TNFRSF14: variants seen among roughly 807,000 people sequenced by gnomAD.
TNFRSF14 encodes tumor necrosis factor receptor superfamily member 14.
A neutral mutation model predicts 34.1 loss-of-function variants in TNFRSF14; 18 were observed. The ratio of observed to expected loss-of-function variants is 0.53; its 90% CI spans 0.36 to 0.78. The LOEUF is 0.78. Among genes scored for constraint, TNFRSF14 ranks in the 30% least tolerant of loss-of-function variants. The pLI, the probability that TNFRSF14 is intolerant of heterozygous loss-of-function variation, is 0.00. For synonymous variants in TNFRSF14, 157 were observed against 153.2 expected, an observed-to-expected ratio of 1.02 and a Z score of -0.18; for missense variants, 352 against 379.5, an observed-to-expected ratio of 0.93 and a Z score of 0.60.
intron 5 of TNFRSF14, chr1:2,560,972 C>T: frequency 2.0e-6 from 1 of 491,824 alleles, no homozygotes. Flanking sequence ...CAGAAGCAGG[C>T]CCAGAGGGAG....
chr1:2,557,090 C>T (rs911423261), intron 1 of TNFRSF14: 32 of 318,572 alleles, frequency 1.0e-4, no homozygotes, highest in African/African-American at 6.8e-4. Flanking sequence ...GACCCAACTC[C>T]CCGGCAGCCC....
Position 2,562,906 on chromosome 1 carries a change from C to T in TNFRSF14, c.726+10C>T. Reference sequence around the variant, plus strand: ...GATCGTCTCCGTCCAGGTATTGATCCTCCTCCCCCTCTCCCTCCCCCCTCC... The same window carrying T: ...GATCGTCTCCGTCCAGGTATTGATCTTCCTCCCCCTCTCCCTCCCCCCTCC... On this transcript the variant is annotated intron_variant, in intron 7 of 7. Coordinates refer to ENST00000355716, the MANE Select transcript of TNFRSF14 (RefSeq NM_003820.4). 1.2e-6 allele frequency: 2 copies of T among 1,612,860 alleles called. No homozygotes were observed. Among genetic ancestry groups the T allele is most frequent in the South Asian group, 1.1e-5 (1 of 91,050 alleles).
rs762829374 is a variant in TNFRSF14 at position 2,563,211 on chromosome 1, G to T, written c.790G>T (p.Val264Phe). 1 of 1,613,474 alleles carries T rather than the reference G, an allele frequency of 6.2e-7. No individual in the cohort carries two copies. Among genetic ancestry groups the T allele is most frequent in the South Asian group, 1.1e-5 (1 of 91,084 alleles). ...VIEALQAPPD[V>F]TTVAVEETIP... ...TGAGGCCCTGCAGGCCCCTCCGGAC[G>T]TCACCACGGTGGCCGTGGAGGAGAC... Residue 264 changes from valine (V) to phenylalanine (F), a missense_variant, in exon 8 of 8, where the codon GTC (valine) becomes TTC (phenylalanine). Physicochemically the swap from Val to Phe is conservative, Grantham distance 50. Coordinates refer to ENST00000355716, the MANE Select transcript of TNFRSF14 (RefSeq NM_003820.4).
At chr1:2,562,609 TG>T (rs1644326358) in intron 6 of TNFRSF14, 3 of 605,494 alleles carry the variant, frequency 5.0e-6, no homozygotes, top group Admixed American at 2.9e-5. Context: ...GTTATGCACT[TG>T]GGGGCCTCAG....
chr1:2,563,331 G>T lies in TNFRSF14; in HGVS notation c.*58G>T. On this transcript the variant is annotated 3_prime_UTR_variant, in exon 8 of 8. Coordinates refer to ENST00000355716, the MANE Select transcript of TNFRSF14 (RefSeq NM_003820.4). ...CCTGGAGCGACGGCTGCTGAAAGAG[G>T]CTGTCCACCTGGCGGAACCACCGGA... 1.3e-6 allele frequency: 2 copies of T among 1,599,168 alleles called. No homozygotes were observed. Among genetic ancestry groups the T allele is most frequent in the Non-Finnish European group, 1.7e-6 (2 of 1,170,256 alleles).
chr1:2,557,462 G>C (rs11573968), intron 1 of TNFRSF14, among the ~76,000 whole-genome samples: 1 of 152,138 alleles, frequency 6.6e-6, no homozygotes, highest in South Asian at 2.1e-4. Flanking sequence ...GGTCCCTGGC[G>C]AGGGCAGAGT....
chr1:2,560,039 C>T, intron 4 of TNFRSF14, 61 bp downstream of exon 4: 1 of 1,465,418 alleles, frequency 6.8e-7, no homozygotes, highest in Non-Finnish European at 9.0e-7. Context: ...GCCCCGCTGT[C>T]TGGAGCCCCA....
chr1:2,563,461 CCCATGGGCCAGTGAGGGCCTGG>C lies in TNFRSF14; in HGVS notation c.*189_*210del. 1.1e-6 allele frequency: 1 copy of C among 894,588 alleles called. No individual in the cohort carries two copies. 55.4% of individuals were successfully genotyped at this position (894,588 alleles called of 1,614,324 possible). On this transcript the variant is annotated 3_prime_UTR_variant, in exon 8 of 8. Coordinates refer to ENST00000355716, the MANE Select transcript of TNFRSF14 (RefSeq NM_003820.4). ...AGAGCTGGGGACGCCACGTGCCATT[CCCATGGGCCAGTGAGGGCCTGG>C]GGCCTCTGTTCTGCTGTGGCCTGAG... is the stretch of plus-strand genomic sequence containing the variant.
In TNFRSF14 at chr1:2,560,828, C is replaced by T. The variant is rs1303740880; in HGVS notation, c.551+114C>T. ...AAAGGCTTGAAGGTCCCACCCTGAG[C>T]GGCACCCTGGTCACATGCCTGCGTC... On this transcript the variant is annotated intron_variant, in intron 5 of 7. Coordinates refer to ENST00000355716, the MANE Select transcript of TNFRSF14 (RefSeq NM_003820.4). 1.1e-4 allele frequency: 100 copies of T among 932,838 alleles called. 1 individual carries two copies. The highest frequency in any genetic ancestry group is 2.1e-4 in the East Asian group (8 of 38,708). 57.8% of individuals were successfully genotyped at this position (932,838 alleles called of 1,614,324 possible).
Position 2,558,604 on chromosome 1 carries a change from T to C in TNFRSF14, c.304+136T>C, listed in dbSNP as rs1024467488. The C allele has an allele frequency of 4.1e-5, 62 of 1,494,910 alleles. No homozygotes were observed. In the African/African-American group the frequency reaches 8.5e-4, roughly 20 times the overall value. 92.6% of individuals were successfully genotyped at this position (1,494,910 alleles called of 1,614,324 possible). On this transcript the variant is annotated intron_variant, in intron 3 of 7. Transcript: ENST00000355716. ...AGGCCAGGTCCCAACCCCATCTCCA[T>C]GGATGCACCCTGCAGGGGACGCCTT...
intron 6 of TNFRSF14, chr1:2,562,453 G>T: frequency 3.5e-6 from 1 of 288,036 alleles, no homozygotes; most frequent in Non-Finnish European, 6.6e-6. Context: ...CCTCCAATGC[G>T]GGGAGGTCTC....
In TNFRSF14 at chr1:2,558,650, G is replaced by A. The variant is rs757081219; in HGVS notation, c.304+182G>A. ...GCCTTGAGGTCAGCCTCCGGCCCCC[G>A]TCCACCTCTGTCTCACCTCTCACTT... On this transcript the variant is annotated intron_variant, in intron 3 of 7. Coordinates refer to ENST00000355716, the MANE Select transcript of TNFRSF14 (RefSeq NM_003820.4). 9.8e-5 allele frequency: 121 copies of A among 1,232,616 alleles called. 1 individual carries two copies. The highest frequency in any genetic ancestry group is 1.2e-4 in the Non-Finnish European group (110 of 899,914). The allele number at this position is 1,232,616 out of a possible 1,614,324, so 76.4% of individuals were successfully genotyped here.
At chr1:2,558,533 C>A in intron 3 of TNFRSF14, 65 bp downstream of exon 3, 1 of 1,596,310 alleles carries the variant, frequency 6.3e-7, no homozygotes, top group Non-Finnish European at 8.5e-7. Flanking sequence ...GCACCCTGCA[C>A]CCTCTCTCCA....
rs1644340117 is a variant in TNFRSF14 at position 2,563,367 on chromosome 1, T to C, written c.*94T>C. On this transcript the variant is annotated 3_prime_UTR_variant, in exon 8 of 8. Transcript: ENST00000355716. ...GGCGGAACCACCGGAGCCCGGAGGCTTGGGGGCTCCGCCCTGGGCTGGCTT... is the reference window on the plus strand; with the variant it reads ...GGCGGAACCACCGGAGCCCGGAGGCCTGGGGGCTCCGCCCTGGGCTGGCTT... 3 of 1,559,418 alleles carry C rather than the reference T, an allele frequency of 1.9e-6. No homozygotes were observed. The highest frequency in any genetic ancestry group is 1.2e-5 in the South Asian group (1 of 84,434).
rs1216270669 is a variant in TNFRSF14, at chr1:2,559,857, G to A, written c.339G>A (p.Arg113=). 6.2e-7 allele frequency: 1 copy of A among 1,607,856 alleles called. No individual in the cohort carries two copies. The highest frequency in any genetic ancestry group is 8.5e-7 in the Non-Finnish European group (1 of 1,177,824). ...TGCGCGCGAGCCGGAACTGCTCCAG[G>A]ACAGAGAACGCCGTGTGTGGCTGCA... ...MGLRASRNCS[R]TENAVCGCSP... The change falls in exon 4 of 8, where the codon AGG becomes AGA. Residue 113 remains arginine (R), a synonymous_variant. Transcript: ENST00000355716.
chr1:2,560,443 A>T (rs1644291064), intron 4 of TNFRSF14, 181 bp from the exon 5 acceptor site: 5 of 586,688 alleles, frequency 8.5e-6, no homozygotes, highest in Non-Finnish European at 1.2e-5. Flanking sequence ...CGGGACAGCC[A>T]GAGCCACCAC....
At chr1:2,557,539 C>G (rs1248919435) in intron 1 of TNFRSF14, among the ~76,000 whole-genome samples, 187 bp from the exon 2 acceptor site, 1 of 152,156 alleles carries the variant, frequency 6.6e-6, no homozygotes, top group Non-Finnish European at 1.5e-5. Context: ...GGTCCCCACC[C>G]TATCCCGGGC....
intron 3 of TNFRSF14, chr1:2,558,842 C>T (rs1205886551): frequency 7.6e-7 from 1 of 1,323,614 alleles, no homozygotes; most frequent in Admixed American, 2.7e-5. Flanking sequence ...CTCGGGCCTG[C>T]TGCTTCCCCA....
rs1644305966 is a variant in TNFRSF14 at position 2,561,380 on chromosome 1, C to G, written c.552-293C>G. On this transcript the variant is annotated intron_variant, in intron 5 of 7. Transcript: ENST00000355716. The surrounding 1 kb of genome is among the most constrained non-coding windows in gnomAD (Gnocchi z 6.0). Reference sequence around the variant, plus strand: ...ACTGGTCTCCCGTGCTCTGGGGTCTCTGCACTGCTGGCTGCCTCCCGCTTC... The same window carrying G: ...ACTGGTCTCCCGTGCTCTGGGGTCTGTGCACTGCTGGCTGCCTCCCGCTTC... 2.8e-6 allele frequency: 3 copies of G among 1,060,212 alleles called. No homozygotes were observed. In the Admixed American group the frequency reaches 8.4e-5, roughly 30 times the overall value. The allele number at this position is 1,060,212 out of a possible 1,614,324, so 65.7% of individuals were successfully genotyped here.
Sources: gnomAD v4.1 joint callset for allele counts (sites outside exome capture counted in the v4.1 genomes callset) on GRCh38, gnomAD v4.1.1 for gene constraint, Gnocchi (gnomAD v3.1) non-coding constraint, MANE v1.5 for transcripts, NCBI Gene and HGNC (gene_info 2026-07-23, HGNC 2026-07-21) for gene names.